Variants in HDAC9 observed in about 807,000 individuals in gnomAD.
The protein encoded by HDAC9 is histone deacetylase 9.
Under a neutral mutation model 139.4 loss-of-function variants are expected in HDAC9, and 41 were observed. The observed-to-expected ratio is 0.29, with a 90% CI of 0.23 to 0.38. HDAC9 has a LOEUF of 0.38. HDAC9 is among the 10% of genes least tolerant of loss of function. The pLI is 1.00. For synonymous variants in HDAC9, 517 were observed against 476.2 expected (o/e 1.09, Z -1.12); for missense variants, 1,147 against 1,297.0 (o/e 0.88, Z 1.78).
At chr7:18,994,078 T>C (rs768494680) in intron 25 of HDAC9, among the ~76,000 whole-genome samples, 2 of 152,128 alleles carry the variant, frequency 1.3e-5, no homozygotes, top group African/African-American at 4.8e-5. Context: ...TAAGCCTAGG[T>C]TGGACATGTG....
At chr7:18,148,391 G>A (rs1786506429) in intron 1 of HDAC9, among the ~76,000 whole-genome samples, 1 of 152,092 alleles carries the variant, frequency 6.6e-6, no homozygotes, top group Admixed American at 6.5e-5. Flanking sequence ...CTGCTGCATC[G>A]ACTATTATTC....
chr7:18,707,823 T>C (rs1039907870), intron 12 of HDAC9, among the ~76,000 whole-genome samples: 3 of 151,550 alleles, frequency 2.0e-5, no homozygotes, highest in Non-Finnish European at 4.4e-5. Context: ...GTTTTGGCAG[T>C]AACTTGAAGG....
intron 2 of HDAC9, among the ~76,000 whole-genome samples, chr7:18,582,075 G>C (rs1828011250): frequency 6.6e-6 from 1 of 152,192 alleles, no homozygotes; most frequent in Non-Finnish European, 1.5e-5. Flanking sequence ...ATTCAACTCA[G>C]ATGACCAGCA....
intron 7 of HDAC9, among the ~76,000 whole-genome samples, chr7:18,633,937 C>T (rs1562670366): frequency 6.6e-6 from 1 of 152,110 alleles, no homozygotes; most frequent in East Asian, 1.9e-4. Flanking sequence ...TTGTTGTTGC[C>T]TGACTTTTGC....
intron 1 of HDAC9, among the ~76,000 whole-genome samples, chr7:18,129,879 G>C (rs1784897038): frequency 1.3e-5 from 2 of 152,216 alleles, no homozygotes; most frequent in South Asian, 4.1e-4. Context: ...GAGAGCATCC[G>C]GTTTCAAGTG....
At chr7:18,772,875 A>G (rs1337628866) in intron 16 of HDAC9, among the ~76,000 whole-genome samples, 1 of 152,096 alleles carries the variant, frequency 6.6e-6, no homozygotes, top group African/African-American at 2.4e-5. Context: ...AAATATTATT[A>G]AAGTCAGGGA....
intron 2 of HDAC9, among the ~76,000 whole-genome samples, chr7:18,534,808 A>T (rs973519259): frequency 1.3e-5 from 2 of 152,142 alleles, no homozygotes; most frequent in African/African-American, 4.8e-5. Context: ...TTGTCCAGGG[A>T]ATAACTCTTT....
At chr7:18,303,505 C>T (rs1798707953) in intron 1 of HDAC9, among the ~76,000 whole-genome samples, 1 of 151,576 alleles carries the variant, frequency 6.6e-6, no homozygotes, top group Non-Finnish European at 1.5e-5. Context: ...CCTCGGGCTC[C>T]CAAAGTGCTG....
At chr7:18,461,273 A>T (rs1228678570) in intron 1 of HDAC9, among the ~76,000 whole-genome samples, 1 of 152,232 alleles carries the variant, frequency 6.6e-6, no homozygotes, top group African/African-American at 2.4e-5. Context: ...TACAAAATTC[A>T]TAAAATTTAA....
chr7:18,230,687 T>G lies in HDAC9; in HGVS notation c.25+68338T>G, dbSNP rs1358656485. Among the ~76,000 whole-genome samples the G allele has an allele frequency of 3.9e-5, 6 of 152,294 alleles. No individual in the cohort carries two copies. In the East Asian group the frequency reaches 1.2e-3, roughly 29 times the overall value. On this transcript the variant is annotated intron_variant, in intron 2 of 12. Coordinates refer to the HDAC9 transcript ENST00000417496. ...ATGCAATGTTAATGGGTTTTGGTCT[T>G]TGTGTTCTAAGGCATCTCAAATCCT...
intron 16 of HDAC9, among the ~76,000 whole-genome samples, chr7:18,771,147 G>A (rs1158402983): frequency 6.6e-6 from 1 of 152,102 alleles, no homozygotes; most frequent in East Asian, 1.9e-4. Flanking sequence ...CTGACTAAGT[G>A]GTTGAAGATA....
intron 1 of HDAC9, among the ~76,000 whole-genome samples, chr7:18,393,203 A>G (rs1398331261): frequency 1.3e-5 from 2 of 152,118 alleles, no homozygotes; most frequent in East Asian, 1.9e-4. Context: ...TAAAGAAATT[A>G]ATTTAGGCTA....
intron 25 of HDAC9, among the ~76,000 whole-genome samples, chr7:18,981,143 T>C (rs1784923672): frequency 6.6e-6 from 1 of 152,072 alleles, no homozygotes; most frequent in African/African-American, 2.4e-5. Context: ...TTTTAATATA[T>C]TGGCCATCAT....
At chr7:18,112,895 TG>T (rs994900660) in intron 1 of HDAC9, among the ~76,000 whole-genome samples, 147 of 152,238 alleles carry the variant, frequency 9.7e-4, no homozygotes, top group African/African-American at 3.3e-3. Flanking sequence ...AGTCAGAAGA[TG>T]TTTACAGGTT....
At chr7:18,104,193 C>T (rs534228389) in intron 1 of HDAC9, among the ~76,000 whole-genome samples, 57 of 152,122 alleles carry the variant, frequency 3.7e-4, no homozygotes, top group African/African-American at 1.3e-3. Flanking sequence ...TATAATGAAA[C>T]AAATGAAATG....
chr7:18,813,895 G>A (rs1391272521), intron 17 of HDAC9, among the ~76,000 whole-genome samples: 2 of 152,110 alleles, frequency 1.3e-5, no homozygotes, highest in Non-Finnish European at 2.9e-5. Flanking sequence ...CTGGTCTATG[G>A]TGTTCCCACA....
intron 16 of HDAC9, among the ~76,000 whole-genome samples, chr7:18,789,507 G>A (rs1792122188): frequency 6.6e-6 from 1 of 152,172 alleles, no homozygotes; most frequent in African/African-American, 2.4e-5. Context: ...GTAGGCCACT[G>A]TGCTCAGGGT....
chr7:18,286,619 G>A (rs1797470978), upstream of HDAC9, among the ~76,000 whole-genome samples: 1 of 151,782 alleles, frequency 6.6e-6, no homozygotes, highest in Non-Finnish European at 1.5e-5. Context: ...GTCTTTAGCA[G>A]AGTGAAGGAT....
At chr7:18,833,470 T>C (rs974951331) in intron 19 of HDAC9, among the ~76,000 whole-genome samples, 3 of 152,352 alleles carry the variant, frequency 2.0e-5, no homozygotes, top group South Asian at 2.1e-4. Flanking sequence ...ATAGGGGAAA[T>C]ACAAATATCC....
Sources: allele counts gnomAD v4.1 joint callset (sites outside exome capture counted in the v4.1 genomes callset), GRCh38; gene constraint gnomAD v4.1.1; transcripts MANE v1.5; gene names NCBI Gene and HGNC (gene_info 2026-07-23, HGNC 2026-07-21).